ERICH1: variants seen among roughly 807,000 people sequenced by gnomAD.
ERICH1 encodes glutamate-rich protein 1.
In ERICH1, 56 loss-of-function variants were observed where a neutral mutation model predicts 39.6. The observed-to-expected ratio is 1.41, with a 90% CI of 1.14 to 1.77. The LOEUF (loss-of-function observed/expected upper bound fraction) is 1.77. Among genes scored for constraint, ERICH1 ranks in the 40% most tolerant of loss-of-function variants. The pLI, the probability that ERICH1 is intolerant of heterozygous loss-of-function variation, is 0.00. For missense variants in ERICH1, 826 were observed against 575.4 expected (o/e 1.44, Z -4.45); for synonymous variants, 313 against 223.6 (o/e 1.40, Z -3.57).
In ERICH1 at chr8:668,723, G is replaced by A. The variant is rs1802682024; in HGVS notation, c.1133C>T (p.Ser378Leu). 6.2e-7 allele frequency: 1 copy of A among 1,613,886 alleles called. No individual in the cohort carries two copies. The highest frequency in any genetic ancestry group is 8.5e-7 in the Non-Finnish European group (1 of 1,179,934). The change falls in exon 5 of 6, where the codon TCA (serine) becomes TTA (leucine). Residue 378 changes from serine to leucine, a missense_variant. Coordinates refer to ENST00000262109, the MANE Select transcript of ERICH1 (RefSeq NM_207332.3). The stretch of plus-strand genomic sequence containing the variant: ...CACGTCTGAGGGCAGCATGCTGTGT[G>A]ACGCAAGGCGGTCCAGCAGCTCCTC... The part of the protein sequence containing the change: ...AAEELLDRLA[S>L]HSMLPSDVSI...
At chr8:618,455 C>T (rs1797071756) in intron 3 of ERICH1, among the ~76,000 whole-genome samples, 2 of 152,186 alleles carry the variant, frequency 1.3e-5, no homozygotes, top group Admixed American at 1.3e-4. Context: ...GTCCTCACTG[C>T]CCTGTAAGTG....
chr8:663,799 G>A (rs111852574), downstream of ERICH1, among the ~76,000 whole-genome samples: 591 of 150,890 alleles, frequency 3.9e-3, 4 homozygotes, highest in African/African-American at 0.014. Context: ...TCGCTCTGTC[G>A]CCCAGGCTGC....
At chr8:674,798 C>T (rs955976965) in intron 3 of ERICH1, among the ~76,000 whole-genome samples, 5 of 152,208 alleles carry the variant, frequency 3.3e-5, no homozygotes, top group Non-Finnish European at 2.9e-5. Context: ...CGTTTTGACA[C>T]GAAGCTAAGC....
intron 3 of ERICH1, among the ~76,000 whole-genome samples, chr8:646,366 T>TA (rs112761368): frequency 0.014 from 882 of 61,388 alleles, 268 homozygotes; most frequent in African/African-American, 0.032. Flanking sequence ...CTCCATAGAT[T>TA]AAAAAAAAAA....
chr8:693,846 G>A (rs141985177), intron 2 of ERICH1, among the ~76,000 whole-genome samples: 4 of 152,196 alleles, frequency 2.6e-5, no homozygotes, highest in African/African-American at 4.8e-5. Flanking sequence ...CTCTGCGCAC[G>A]TGGCTGTTTG....
At chr8:716,538 G>A (rs994673823) in intron 1 of ERICH1, among the ~76,000 whole-genome samples, 4 of 152,246 alleles carry the variant, frequency 2.6e-5, no homozygotes, top group Non-Finnish European at 5.9e-5. Context: ...CAACAACTGC[G>A]AATGGGGAGA....
chr8:660,199 G>A (rs1801212237), downstream of ERICH1, among the ~76,000 whole-genome samples: 1 of 150,320 alleles, frequency 6.7e-6, no homozygotes, highest in East Asian at 1.9e-4. Context: ...CCCCTGCCCA[G>A]TGTCATGGCC....
At chr8:674,314 T>C (rs1417695215) in intron 3 of ERICH1, among the ~76,000 whole-genome samples, 3 of 149,998 alleles carry the variant, frequency 2.0e-5, no homozygotes, top group Non-Finnish European at 1.5e-5. Flanking sequence ...TTTTTTTTTT[T>C]TTTCCTGACA....
At chr8:730,759 C>A (rs1158125934) in intron 1 of ERICH1, among the ~76,000 whole-genome samples, 1 of 152,228 alleles carries the variant, frequency 6.6e-6, no homozygotes, top group Non-Finnish European at 1.5e-5. Context: ...CTGCCGGAGC[C>A]GGCTGCAGCC....
intron 3 of ERICH1, among the ~76,000 whole-genome samples, chr8:676,565 CTGACAG>C (rs1804866222): frequency 6.6e-6 from 1 of 152,220 alleles, no homozygotes; most frequent in East Asian, 1.9e-4. Flanking sequence ...CTGCTGCTCC[CTGACAG>C]AAGGGTATCA....
At chr8:723,791 T>C (rs1817913379) in intron 1 of ERICH1, among the ~76,000 whole-genome samples, 1 of 152,270 alleles carries the variant, frequency 6.6e-6, no homozygotes, top group African/African-American at 2.4e-5. Context: ...CAGCCACAGC[T>C]TTCTTTAAAA....
chr8:683,958 T>G (rs182095204), intron 3 of ERICH1, among the ~76,000 whole-genome samples: 1 of 152,260 alleles, frequency 6.6e-6, no homozygotes, highest in African/African-American at 2.4e-5. Flanking sequence ...TAGATTAGTT[T>G]TGAATAGGCT....
chr8:636,417 T>C (rs972953739), intron 3 of ERICH1, among the ~76,000 whole-genome samples: 1 of 152,204 alleles, frequency 6.6e-6, no homozygotes, highest in African/African-American at 2.4e-5. Context: ...TCCTCCCTCA[T>C]AGAAAATACT....
intron 3 of ERICH1, chr8:690,843 C>T (rs1658143498): frequency 1.3e-5 from 2 of 152,344 alleles, no homozygotes; most frequent in South Asian, 2.1e-4. Context: ...TGAGTGCTTC[C>T]AAGAGAGACC....
chr8:693,614 C>T (rs1437280324), intron 2 of ERICH1, among the ~76,000 whole-genome samples: 2 of 151,724 alleles, frequency 1.3e-5, no homozygotes, highest in Non-Finnish European at 2.9e-5. Flanking sequence ...CGGAACCTCC[C>T]CTGCTGTGTG....
chr8:685,706 T>G (rs529405446), intron 3 of ERICH1, among the ~76,000 whole-genome samples: 1 of 152,336 alleles, frequency 6.6e-6, no homozygotes, highest in East Asian at 1.9e-4. Flanking sequence ...GTCCCTGACT[T>G]CCTGCAATAG....
chr8:617,252 C>T (rs1435767957), intron 3 of ERICH1, among the ~76,000 whole-genome samples: 2 of 152,172 alleles, frequency 1.3e-5, no homozygotes, highest in Non-Finnish European at 2.9e-5. Context: ...ACTCCGATTG[C>T]TGGGAGCGTG....
intron 2 of ERICH1, among the ~76,000 whole-genome samples, chr8:711,497 A>C (rs1008699326): frequency 2.6e-5 from 4 of 151,600 alleles, no homozygotes; most frequent in Non-Finnish European, 1.5e-5. Flanking sequence ...CTCAGGTGTA[A>C]GATCTTTTTT....
chr8:675,177 G>C lies in ERICH1; in HGVS notation c.305-1130C>G, dbSNP rs576382491. On this transcript the variant is annotated intron_variant, in intron 3 of 5. Transcript: ENST00000262109. ...CCCTCGTGAGGACAGAGACGCGGCG[G>C]CCCCTCGTGAGGACAGAGACGCGGC... Among the ~76,000 whole-genome samples the C allele has an allele frequency of 2.1e-3, 78 of 36,970 alleles. 5 individuals are homozygous for C. Among genetic ancestry groups the C allele is most frequent in the African/African-American group, 3.0e-3 (38 of 12,478 alleles). 24.3% of individuals were successfully genotyped at this position (36,970 alleles called of 152,430 possible).
Sources: allele counts gnomAD v4.1 joint callset (sites outside exome capture counted in the v4.1 genomes callset), GRCh38; gene constraint gnomAD v4.1.1; transcripts MANE v1.5; gene names NCBI Gene and HGNC (gene_info 2026-07-23, HGNC 2026-07-21).